THSD7A: variants seen among roughly 807,000 people sequenced by gnomAD.
THSD7A encodes the protein thrombospondin type-1 domain-containing protein 7A.
In THSD7A, 96 loss-of-function variants were observed where a neutral mutation model predicts 231.3. The observed-to-expected ratio is 0.41, with a 90% CI of 0.35 to 0.49. THSD7A has a LOEUF of 0.49. Ranked by LOEUF, THSD7A falls within the 20% of genes least tolerant of loss-of-function variation. The pLI is 0.05. For synonymous variants in THSD7A, 940 were observed against 743.3 expected (o/e 1.26, Z -4.30); for missense variants, 2,290 against 2,070.2 (o/e 1.11, Z -2.06).
intron 1 of THSD7A, among the ~76,000 whole-genome samples, chr7:11,793,732 G>A (rs1375786189): frequency 6.6e-6 from 1 of 151,724 alleles, no homozygotes; most frequent in Non-Finnish European, 1.5e-5. Context: ...TAAAAATTTT[G>A]TATGTTAAAT....
chr7:11,510,803 C>T (rs1349608932), intron 6 of THSD7A, among the ~76,000 whole-genome samples: 2 of 152,062 alleles, frequency 1.3e-5, no homozygotes, highest in Non-Finnish European at 2.9e-5. Flanking sequence ...TTATGACAGA[C>T]CCACAGCCAA....
intron 6 of THSD7A, among the ~76,000 whole-genome samples, chr7:11,533,367 C>A (rs906207153): frequency 6.6e-6 from 1 of 152,216 alleles, no homozygotes; most frequent in Admixed American, 6.5e-5. Flanking sequence ...GACTAGGAAA[C>A]GATTCCCAGA....
At chr7:11,454,822 T>A (rs1365459290) in intron 11 of THSD7A, among the ~76,000 whole-genome samples, 1 of 151,986 alleles carries the variant, frequency 6.6e-6, no homozygotes, top group African/African-American at 2.4e-5. Context: ...AAAGTTTGGA[T>A]TGGTTTTTAG....
intron 6 of THSD7A, among the ~76,000 whole-genome samples, chr7:11,523,041 C>A (rs1788330739): frequency 6.6e-6 from 1 of 152,036 alleles, no homozygotes; most frequent in Non-Finnish European, 1.5e-5. Flanking sequence ...TACAAAGTTA[C>A]AGAAAATGGC....
chr7:11,430,218 T>G (rs1784438274), intron 13 of THSD7A, among the ~76,000 whole-genome samples: 1 of 152,194 alleles, frequency 6.6e-6, no homozygotes, highest in Non-Finnish European at 1.5e-5. Flanking sequence ...TATGGAGATA[T>G]AATTCATATT....
chr7:11,545,539 G>A (rs1789343609), intron 4 of THSD7A, among the ~76,000 whole-genome samples: 1 of 152,126 alleles, frequency 6.6e-6, no homozygotes, highest in Admixed American at 6.5e-5. Flanking sequence ...GGTGGACAGA[G>A]GGAGAACATA....
chr7:11,704,718 ACTT>A (rs902516828), intron 1 of THSD7A, among the ~76,000 whole-genome samples: 3 of 151,034 alleles, frequency 2.0e-5, no homozygotes, highest in Admixed American at 6.6e-5. Flanking sequence ...GTATAGATTT[ACTT>A]CTTCTCCCCC....
intron 8 of THSD7A, among the ~76,000 whole-genome samples, chr7:11,473,966 C>T (rs551464413): frequency 2.6e-4 from 39 of 152,104 alleles, no homozygotes; most frequent in African/African-American, 7.5e-4. Context: ...CCGTAGCCTA[C>T]GGGTATATAG....
intron 2 of THSD7A, among the ~76,000 whole-genome samples, chr7:11,621,999 T>C (rs948982155): frequency 2.6e-5 from 4 of 152,164 alleles, no homozygotes; most frequent in Non-Finnish European, 5.9e-5. Flanking sequence ...GATAACGTCA[T>C]ATTAGTGATA....
At chr7:11,662,483 A>C (rs1173703707) in intron 1 of THSD7A, among the ~76,000 whole-genome samples, 1 of 151,382 alleles carries the variant, frequency 6.6e-6, no homozygotes, top group Non-Finnish European at 1.5e-5. Context: ...GACCTCTTTC[A>C]TTAACTAATA....
chr7:11,762,777 T>C (rs370805517), intron 1 of THSD7A, among the ~76,000 whole-genome samples: 1 of 151,898 alleles, frequency 6.6e-6, no homozygotes, highest in East Asian at 1.9e-4. Context: ...CTCTACAAAC[T>C]ACAAAATATT....
chr7:11,391,039 C>T (rs1388153923), intron 23 of THSD7A, among the ~76,000 whole-genome samples: 1 of 152,198 alleles, frequency 6.6e-6, no homozygotes, highest in Non-Finnish European at 1.5e-5. Context: ...TTGTCCCCTA[C>T]TGGGAGGTGT....
At chr7:11,459,819 T>G (rs542299080) in intron 11 of THSD7A, among the ~76,000 whole-genome samples, 2 of 151,960 alleles carry the variant, frequency 1.3e-5, no homozygotes, top group East Asian at 3.9e-4. Context: ...AATTTTTGTG[T>G]CAACATGAAA....
At chr7:11,805,016 T>C (rs974057917) in intron 1 of THSD7A, among the ~76,000 whole-genome samples, 5 of 152,174 alleles carry the variant, frequency 3.3e-5, no homozygotes, top group Admixed American at 6.6e-5. Context: ...AAACCTTGCA[T>C]TGGTGCCCTA....
At chr7:11,807,626 T>G (rs930641525) in intron 1 of THSD7A, among the ~76,000 whole-genome samples, 2 of 152,176 alleles carry the variant, frequency 1.3e-5, no homozygotes, top group Non-Finnish European at 2.9e-5. Flanking sequence ...TTATTTTGAA[T>G]AAATCATTTT....
chr7:11,473,909 G>A (rs149510322), intron 8 of THSD7A, among the ~76,000 whole-genome samples: 2 of 152,176 alleles, frequency 1.3e-5, no homozygotes, highest in African/African-American at 4.8e-5. Context: ...GAAATGAAAG[G>A]CAGATCATAC....
chr7:11,386,525 C>T (rs923049468), intron 23 of THSD7A, among the ~76,000 whole-genome samples: 1 of 151,968 alleles, frequency 6.6e-6, no homozygotes, highest in Non-Finnish European at 1.5e-5. Flanking sequence ...TTGAGAAGTG[C>T]TCATTCATAT....
intron 6 of THSD7A, among the ~76,000 whole-genome samples, chr7:11,523,522 T>C (rs998658976): frequency 6.6e-6 from 1 of 151,988 alleles, no homozygotes; most frequent in African/African-American, 2.4e-5. Context: ...ATTTAAAATT[T>C]CCATAATCCC....
At chr7:11,724,759 C>T (rs1365519086) in intron 1 of THSD7A, among the ~76,000 whole-genome samples, 3 of 151,674 alleles carry the variant, frequency 2.0e-5, no homozygotes, top group Non-Finnish European at 4.4e-5. Flanking sequence ...TTACATATAC[C>T]AGAATACACA....
Sources: allele counts gnomAD v4.1 joint callset (sites outside exome capture counted in the v4.1 genomes callset), GRCh38; gene constraint gnomAD v4.1.1; transcripts MANE v1.5; gene names NCBI Gene and HGNC (gene_info 2026-07-23, HGNC 2026-07-21).